Variants in DCLK2 observed in about 807,000 individuals in gnomAD.
DCLK2 encodes serine/threonine-protein kinase DCLK2.
A neutral mutation model predicts 78.4 loss-of-function variants in DCLK2; 31 were observed. The observed-to-expected ratio is 0.40, with a 90% confidence interval of 0.30 to 0.53. The LOEUF is 0.53. Among genes scored for constraint, DCLK2 ranks in the 20% least tolerant of loss-of-function variants. The pLI is 0.61. For synonymous variants in DCLK2, 407 were observed against 374.9 expected, an observed-to-expected ratio of 1.09 and a Z score of -0.99; for missense variants, 872 against 973.7, an observed-to-expected ratio of 0.90 and a Z score of 1.39.
intron 2 of DCLK2, among the ~76,000 whole-genome samples, chr4:150,183,953 C>G (rs1049373807): frequency 2.6e-5 from 4 of 151,828 alleles, no homozygotes; most frequent in Non-Finnish European, 4.4e-5. Context: ...AGGCTGGTCT[C>G]GAACTCCTGA....
intron 5 of DCLK2, among the ~76,000 whole-genome samples, chr4:150,205,555 C>G (rs1473161877): frequency 6.6e-6 from 1 of 152,146 alleles, no homozygotes; most frequent in Non-Finnish European, 1.5e-5. Flanking sequence ...TGACTTAAGT[C>G]AGTTCATAAT....
chr4:150,134,868 T>G (rs1733582326), intron 2 of DCLK2, among the ~76,000 whole-genome samples: 1 of 152,120 alleles, frequency 6.6e-6, no homozygotes, highest in African/African-American at 2.4e-5. Flanking sequence ...GATGTGTTTT[T>G]TATTCCTTGC....
chr4:150,117,550 C>T (rs1732189673), intron 2 of DCLK2, among the ~76,000 whole-genome samples: 1 of 152,340 alleles, frequency 6.6e-6, no homozygotes, highest in Middle Eastern at 3.4e-3. Context: ...TTAGGAGCTT[C>T]TCTCAACCTG....
At chr4:150,170,939 A>G (rs1347151883) in intron 2 of DCLK2, among the ~76,000 whole-genome samples, 1 of 152,204 alleles carries the variant, frequency 6.6e-6, no homozygotes, top group Non-Finnish European at 1.5e-5. Context: ...AGTCACTGAA[A>G]AAAAAAATTC....
chr4:150,250,780 G>A (rs1297553021), intron 15 of DCLK2, among the ~76,000 whole-genome samples: 1 of 151,204 alleles, frequency 6.6e-6, no homozygotes, highest in Non-Finnish European at 1.5e-5. Context: ...ATGGTACATG[G>A]TTGTCTGAGA....
chr4:150,083,810 C>T (rs998754830), intron 1 of DCLK2, among the ~76,000 whole-genome samples: 3 of 152,186 alleles, frequency 2.0e-5, no homozygotes, highest in Non-Finnish European at 4.4e-5. Flanking sequence ...CTGGATTCTT[C>T]AAGGCCCACT....
intron 1 of DCLK2, among the ~76,000 whole-genome samples, chr4:150,099,908 A>G (rs993670352): frequency 6.6e-6 from 1 of 152,076 alleles, no homozygotes; most frequent in African/African-American, 2.4e-5. Flanking sequence ...ACTAGTCTAC[A>G]AGTTTGGTTT....
At chr4:150,238,978 T>C (rs1430117726) in intron 10 of DCLK2, among the ~76,000 whole-genome samples, 1 of 152,214 alleles carries the variant, frequency 6.6e-6, no homozygotes, top group Non-Finnish European at 1.5e-5. Context: ...GAACTAAACA[T>C]GCTAGTGCCG....
chr4:150,100,067 C>T (rs117165526), intron 1 of DCLK2, among the ~76,000 whole-genome samples: 1 of 152,064 alleles, frequency 6.6e-6, no homozygotes, highest in Non-Finnish European at 1.5e-5. Context: ...TGTGTGCCAC[C>T]ATGTCCTGCT....
At chr4:150,145,901 G>T (rs1000947394) in intron 2 of DCLK2, among the ~76,000 whole-genome samples, 2 of 145,904 alleles carry the variant, frequency 1.4e-5, no homozygotes, top group Non-Finnish European at 3.2e-5. Context: ...TTTATAAAAA[G>T]AGAATATTCT....
chr4:150,238,938 A>T (rs1012461169), intron 10 of DCLK2, among the ~76,000 whole-genome samples: 1 of 152,014 alleles, frequency 6.6e-6, no homozygotes, highest in African/African-American at 2.4e-5. Flanking sequence ...GACAACAAGG[A>T]CCCCATTGCT....
chr4:150,085,673 A>C (rs1580469156), intron 1 of DCLK2, among the ~76,000 whole-genome samples: 1 of 152,198 alleles, frequency 6.6e-6, no homozygotes, highest in South Asian at 2.1e-4. Context: ...ATTAGTGCCC[A>C]AAGAGGCCCC....
At chr4:150,168,251 G>A (rs1026341168) in intron 2 of DCLK2, among the ~76,000 whole-genome samples, 2 of 151,906 alleles carry the variant, frequency 1.3e-5, no homozygotes, top group African/African-American at 4.8e-5. Context: ...ACTGAGGCAG[G>A]AGAGTGGCGT....
chr4:150,154,634 G>A (rs2150233652), intron 2 of DCLK2, among the ~76,000 whole-genome samples: 1 of 152,174 alleles, frequency 6.6e-6, no homozygotes, highest in Admixed American at 6.5e-5. Context: ...AACACCTAAA[G>A]GAAGCTAATG....
rs766533171 is a variant in DCLK2 at position 150,186,334 on chromosome 4, A to C, written c.757-6804A>C. ...ACATACAGATTACCAGAGTTAAAGA[A>C]CACAGAATATGTTGTAAAACATAGA... On this transcript the variant is annotated intron_variant, in intron 2 of 15. Transcript: ENST00000296550. Among the ~76,000 whole-genome samples, 176 of 152,236 alleles carry C rather than the reference A, an allele frequency of 1.2e-3. 1 individual carries two copies. The highest frequency in any genetic ancestry group is 1.1e-3 in the Non-Finnish European group (72 of 68,042).
At chr4:150,157,493 G>T (rs750889542) in intron 2 of DCLK2, among the ~76,000 whole-genome samples, 873 of 58,680 alleles carry the variant, frequency 0.015, 8 homozygotes, top group African/African-American at 0.071. Context: ...TGGTTTTTTT[G>T]TTTGTTTGTT....
At chr4:150,251,881 C>A (rs13123241) in intron 15 of DCLK2, among the ~76,000 whole-genome samples, 5 of 151,268 alleles carry the variant, frequency 3.3e-5, no homozygotes, top group Non-Finnish European at 4.4e-5. Context: ...TGTGGCCACC[C>A]TCTGTGTGTC....
intron 2 of DCLK2, among the ~76,000 whole-genome samples, chr4:150,168,971 A>AG (rs1736304803): frequency 6.6e-6 from 1 of 152,118 alleles, no homozygotes; most frequent in Non-Finnish European, 1.5e-5. Flanking sequence ...AGTCCATCCT[A>AG]GGGCTCAGTA....
At chr4:150,191,280 A>G (rs1485399866) in intron 2 of DCLK2, among the ~76,000 whole-genome samples, 2 of 152,040 alleles carry the variant, frequency 1.3e-5, no homozygotes, top group Non-Finnish European at 2.9e-5. Context: ...CATAAAAGGT[A>G]GCCACTGAGG....
Sources: gnomAD v4.1 joint callset for allele counts (sites outside exome capture counted in the v4.1 genomes callset) on GRCh38, gnomAD v4.1.1 for gene constraint, MANE v1.5 for transcripts, NCBI Gene and HGNC (gene_info 2026-07-23, HGNC 2026-07-21) for gene names.